GAPVD1: variants seen among roughly 807,000 people sequenced by gnomAD.
GAPVD1 encodes GTPase activating protein and VPS9 domains 1, also known as GTPase-activating protein and VPS9 domain-containing protein 1.
GAPVD1 carries 35 observed loss-of-function variants against 155.5 expected under a neutral mutation model. The ratio of observed to expected loss-of-function variants is 0.23; its 90% CI spans 0.17 to 0.30. The LOEUF (loss-of-function observed/expected upper bound fraction) is 0.30. GAPVD1 is among the 10% of genes least tolerant of loss of function. The pLI, the probability that GAPVD1 is intolerant of heterozygous loss-of-function variation, is 1.00. For synonymous variants in GAPVD1, 636 were observed against 619.7 expected, an observed-to-expected ratio of 1.03 and a Z score of -0.39; for missense variants, 1,429 against 1,775.7, an observed-to-expected ratio of 0.80 and a Z score of 3.51.
chr9:125,321,832 T>C (rs933863787), intron 10 of GAPVD1, among the ~76,000 whole-genome samples: 9 of 152,196 alleles, frequency 5.9e-5, no homozygotes, highest in African/African-American at 2.2e-4. Flanking sequence ...GTTTCTGCAG[T>C]ATTAATATAT....
At chr9:125,337,886 T>C (rs894271685) in intron 17 of GAPVD1, among the ~76,000 whole-genome samples, 2 of 152,240 alleles carry the variant, frequency 1.3e-5, no homozygotes, top group African/African-American at 4.8e-5. Context: ...AGTTGTTTTT[T>C]GTTTTTTGAG....
At chr9:125,353,421 GTCT>G (rs1849586646) in intron 23 of GAPVD1, among the ~76,000 whole-genome samples, 1 of 152,090 alleles carries the variant, frequency 6.6e-6, no homozygotes, top group Non-Finnish European at 1.5e-5. Context: ...ACATTTTCCT[GTCT>G]TCTTCTGAGC....
At chr9:125,306,007 A>G (rs1802744132) in intron 6 of GAPVD1, among the ~76,000 whole-genome samples, 1 of 152,200 alleles carries the variant, frequency 6.6e-6, no homozygotes, top group South Asian at 2.1e-4. Flanking sequence ...GACATTGTTC[A>G]ATTAATATAG....
chr9:125,294,652 GTTT>G (rs34715258), intron 2 of GAPVD1, among the ~76,000 whole-genome samples: 38 of 135,134 alleles, frequency 2.8e-4, no homozygotes, highest in African/African-American at 9.8e-4. Context: ...AGCTAAAATG[GTTT>G]TTTTTTTTTT....
At chr9:125,268,641 A>G (rs1834388480) in intron 1 of GAPVD1, among the ~76,000 whole-genome samples, 1 of 151,966 alleles carries the variant, frequency 6.6e-6, no homozygotes, top group African/African-American at 2.4e-5. Context: ...CTGGGACCAC[A>G]GGCACATGAC....
At chr9:125,320,284 T>A (rs1844128465) in intron 9 of GAPVD1, among the ~76,000 whole-genome samples, 1 of 152,140 alleles carries the variant, frequency 6.6e-6, no homozygotes, top group Non-Finnish European at 1.5e-5. Context: ...TTCATTAAGG[T>A]GGAGATATAC....
chr9:125,265,950 T>C (rs967641956), intron 1 of GAPVD1, among the ~76,000 whole-genome samples: 1 of 144,260 alleles, frequency 6.9e-6, no homozygotes, highest in African/African-American at 2.5e-5. Context: ...AAGAAACTGC[T>C]ACCGGTTACT....
chr9:125,331,227 G>T (rs1269322273), intron 13 of GAPVD1, among the ~76,000 whole-genome samples: 1 of 149,774 alleles, frequency 6.7e-6, no homozygotes, highest in Non-Finnish European at 1.5e-5. Flanking sequence ...TTGAGATGGA[G>T]TCTCACTCTG....
intron 1 of GAPVD1, among the ~76,000 whole-genome samples, chr9:125,266,663 G>T (rs1834026698): frequency 6.6e-6 from 1 of 151,988 alleles, no homozygotes; most frequent in Non-Finnish European, 1.5e-5. Flanking sequence ...TTTGAGACTA[G>T]ACACTACTGT....
At chr9:125,348,368 AT>A (rs879583576) in intron 20 of GAPVD1, among the ~76,000 whole-genome samples, 1 of 151,882 alleles carries the variant, frequency 6.6e-6, no homozygotes, top group African/African-American at 2.4e-5. Context: ...ATATTTATAT[AT>A]TTTTTTGTAG....
At chr9:125,268,591 C>A (rs914369294) in intron 1 of GAPVD1, among the ~76,000 whole-genome samples, 1 of 151,658 alleles carries the variant, frequency 6.6e-6, no homozygotes, top group African/African-American at 2.4e-5. Context: ...CCTCCACCTC[C>A]CTGTCTCAAG....
At position 125,312,507 on chromosome 9, in the gene GAPVD1, A is replaced by G; in HGVS notation, c.1497A>G (p.Glu499=). The change falls in exon 9 of 28, where the codon GAA becomes GAG. Residue 499 remains glutamate, a synonymous_variant. Transcript: ENST00000297933. ...NMLMDLHMDH[E]GSSQETIQEV... is the part of the protein sequence containing the mutation. ...TAATGGACCTACATATGGACCATGAAGGATCATCTCAAGAAACCATTCAGG... is the reference window on the plus strand; with the variant it reads ...TAATGGACCTACATATGGACCATGAGGGATCATCTCAAGAAACCATTCAGG... 6.2e-7 allele frequency: 1 copy of G among 1,608,982 alleles called. No individual in the cohort carries two copies. Among genetic ancestry groups the G allele is most frequent in the Non-Finnish European group, 8.5e-7 (1 of 1,177,170 alleles).
intron 2 of GAPVD1, among the ~76,000 whole-genome samples, chr9:125,294,973 A>G (rs1471674849): frequency 1.3e-5 from 2 of 151,950 alleles, no homozygotes; most frequent in Non-Finnish European, 2.9e-5. Context: ...AGATTAGTTG[A>G]TTGAGAGCAA....
At chr9:125,336,494 ATTTATTT>A (rs1177236245) in intron 15 of GAPVD1, among the ~76,000 whole-genome samples, 1 of 151,966 alleles carries the variant, frequency 6.6e-6, no homozygotes, top group Non-Finnish European at 1.5e-5. Context: ...TTTATAATTT[ATTTATTT>A]TTTAATTTTT....
intron 2 of GAPVD1, among the ~76,000 whole-genome samples, chr9:125,271,143 T>G (rs1025537655): frequency 6.6e-6 from 1 of 152,104 alleles, no homozygotes; most frequent in African/African-American, 2.4e-5. Flanking sequence ...TTTGTATACC[T>G]TTTTTTGTAA....
intron 2 of GAPVD1, among the ~76,000 whole-genome samples, chr9:125,274,100 C>T (rs943134368): frequency 6.6e-6 from 1 of 151,980 alleles, no homozygotes; most frequent in Non-Finnish European, 1.5e-5. Flanking sequence ...TCACTGCAAC[C>T]TCTGCCTCCC....
intron 19 of GAPVD1, among the ~76,000 whole-genome samples, chr9:125,345,261 A>G (rs554424187): frequency 2.0e-5 from 3 of 151,620 alleles, no homozygotes; most frequent in South Asian, 2.1e-4. Context: ...GCTCACTGCA[A>G]TCTCTATCTC....
At chr9:125,335,296 C>A in intron 15 of GAPVD1, 1 of 592,506 alleles carries the variant, frequency 1.7e-6, no homozygotes, top group Non-Finnish European at 3.1e-6. Flanking sequence ...GTGTCATTCT[C>A]TTCATTTTTT....
intron 2 of GAPVD1, among the ~76,000 whole-genome samples, chr9:125,285,418 AATAT>A (rs1290882423): frequency 2.0e-5 from 3 of 151,454 alleles, no homozygotes; most frequent in African/African-American, 7.3e-5. Context: ...AAATCTGATT[AATAT>A]GCATGGGCAT....
Sources: gnomAD v4.1 joint callset for allele counts (sites outside exome capture counted in the v4.1 genomes callset) on GRCh38, gnomAD v4.1.1 for gene constraint, MANE v1.5 for transcripts, NCBI Gene and HGNC (gene_info 2026-07-23, HGNC 2026-07-21) for gene names.